Variants in KCTD16 observed in about 807,000 individuals in gnomAD.
KCTD16 encodes the protein BTB/POZ domain-containing protein KCTD16.
KCTD16 carries 13 observed loss-of-function variants against 33.2 expected under a neutral mutation model. The observed-to-expected ratio is 0.39, with a 90% CI of 0.25 to 0.62. The LOEUF (loss-of-function observed/expected upper bound fraction) is 0.62, where lower values mean the gene tolerates loss of function less well. Among genes scored for constraint, KCTD16 ranks in the 20% least tolerant of loss-of-function variants. KCTD16 has a pLI of 0.50. For missense variants in KCTD16, 441 were observed against 525.1 expected (o/e 0.84, Z 1.57); for synonymous variants, 197 against 195.3 (o/e 1.01, Z -0.07).
In KCTD16 at chr5:144,474,357, C is replaced by T. The variant is rs77669126; in HGVS notation, c.*243C>T. On this transcript the variant is annotated 3_prime_UTR_variant, in exon 4 of 4. Transcript: ENST00000512467. ...TTTTTAGTTATTTGTTTGTTTACTT[C>T]GTCCCATGTGCTAACTATCTTATAT... 35 of 429,438 alleles carry T rather than the reference C, an allele frequency of 8.2e-5. No individual in the cohort carries two copies. Among genetic ancestry groups the T allele is most frequent in the African/African-American group, 3.8e-4 (19 of 49,610 alleles). 26.6% of individuals were successfully genotyped at this position (429,438 alleles called of 1,614,324 possible). A position where few individuals can be genotyped will look rare whatever the true frequency, so the allele number is the denominator to read the frequency against.
chr5:144,340,803 C>T (rs919642176), intron 3 of KCTD16, among the ~76,000 whole-genome samples: 2 of 151,770 alleles, frequency 1.3e-5, no homozygotes, highest in Non-Finnish European at 2.9e-5. Context: ...TAATCCCAGC[C>T]CTTTAGGAGG....
At chr5:144,306,961 G>A (rs1751617783) in intron 3 of KCTD16, among the ~76,000 whole-genome samples, 1 of 152,134 alleles carries the variant, frequency 6.6e-6, no homozygotes, top group African/African-American at 2.4e-5. Context: ...ATCTGAACAG[G>A]TAATTGATTT....
chr5:144,263,060 G>A (rs140623724), intron 3 of KCTD16, among the ~76,000 whole-genome samples: 1 of 152,256 alleles, frequency 6.6e-6, no homozygotes, highest in Admixed American at 6.5e-5. Context: ...TGCTATTAAT[G>A]ATTATGCCTG....
rs1561558588 is a variant in KCTD16, at chr5:144,299,124, ATATATATATATATATATATATATATTTTT to A, written c.832+91580_832+91608del. Among the ~76,000 whole-genome samples the A allele has an allele frequency of 1.6e-3, 37 of 23,008 alleles. 1 individual carries two copies. The highest frequency in any genetic ancestry group is 0.014 in the African/African-American group (35 of 2,418). The allele number at this position is 23,008 out of a possible 152,430, so 15.1% of individuals were successfully genotyped here. ...TATATATATATATATATATATATATATATATATATATATATATATATATATTTTTTTTTTTTTTTTTAACCTGTCACTGA... is the reference window on the plus strand; with the variant it reads ...TATATATATATATATATATATATATATTTTTTTTTTTTAACCTGTCACTGA... On this transcript the variant is annotated intron_variant, in intron 3 of 3. Coordinates refer to ENST00000512467, the MANE Select transcript of KCTD16 (RefSeq NM_020768.4).
intron 3 of KCTD16, among the ~76,000 whole-genome samples, chr5:144,431,221 A>G (rs946646426): frequency 6.6e-6 from 1 of 152,136 alleles, no homozygotes; most frequent in African/African-American, 2.4e-5. Context: ...CTGCATATCC[A>G]TTTAACATGT....
At chr5:144,242,577 G>T (rs971548111) in intron 3 of KCTD16, among the ~76,000 whole-genome samples, 2 of 152,232 alleles carry the variant, frequency 1.3e-5, no homozygotes, top group East Asian at 3.9e-4. Flanking sequence ...TTGCTATAAA[G>T]AAATACTTAA....
At chr5:144,355,547 C>G (rs1751551584) in intron 3 of KCTD16, among the ~76,000 whole-genome samples, 1 of 152,126 alleles carries the variant, frequency 6.6e-6, no homozygotes, top group African/African-American at 2.4e-5. Context: ...TGTCTCTCAC[C>G]TCTGTGGGCC....
chr5:144,405,588 A>C (rs1752793585), intron 3 of KCTD16, among the ~76,000 whole-genome samples: 1 of 152,124 alleles, frequency 6.6e-6, no homozygotes. Flanking sequence ...AACACATGAG[A>C]AGCCTTATCC....
At chr5:144,375,496 T>A (rs888858493) in intron 3 of KCTD16, among the ~76,000 whole-genome samples, 1 of 152,096 alleles carries the variant, frequency 6.6e-6, no homozygotes, top group Non-Finnish European at 1.5e-5. Context: ...TCTCCCCTCC[T>A]GTGATCTGGG....
intron 3 of KCTD16, among the ~76,000 whole-genome samples, chr5:144,434,548 T>C (rs1753534655): frequency 6.6e-6 from 1 of 152,152 alleles, no homozygotes. Flanking sequence ...CATTTATTAA[T>C]AGTTACCATG....
intron 3 of KCTD16, among the ~76,000 whole-genome samples, chr5:144,253,476 G>A (rs1306189600): frequency 6.6e-6 from 1 of 152,116 alleles, no homozygotes; most frequent in Non-Finnish European, 1.5e-5. Context: ...GCTTTATTCT[G>A]TTTTCTCACC....
intron 3 of KCTD16, among the ~76,000 whole-genome samples, chr5:144,340,452 G>A (rs953057381): frequency 2.0e-5 from 3 of 151,552 alleles, no homozygotes; most frequent in African/African-American, 7.3e-5. Flanking sequence ...GAGTTGGAGA[G>A]GGGGAGCTTT....
At chr5:144,385,247 T>C (rs1752299221) in intron 3 of KCTD16, 1 of 152,224 alleles carries the variant, frequency 6.6e-6, no homozygotes, top group Non-Finnish European at 1.5e-5. Flanking sequence ...TATATTTTTG[T>C]TTACTCGTAG....
intron 3 of KCTD16, among the ~76,000 whole-genome samples, chr5:144,393,557 T>G (rs186946431): frequency 7.4e-4 from 112 of 152,110 alleles, no homozygotes; most frequent in East Asian, 7.7e-4. Context: ...TGTATATATA[T>G]AGAGAGAGAG....
chr5:144,412,996 G>A (rs1193509226), intron 3 of KCTD16, among the ~76,000 whole-genome samples: 1 of 152,108 alleles, frequency 6.6e-6, no homozygotes, highest in Non-Finnish European at 1.5e-5. Context: ...TAATTTGAAT[G>A]TTTCTAGCAT....
intron 3 of KCTD16, among the ~76,000 whole-genome samples, chr5:144,370,650 C>G (rs1751947203): frequency 6.6e-6 from 1 of 152,146 alleles, no homozygotes; most frequent in African/African-American, 2.4e-5. Context: ...GAATCTGCTA[C>G]TAATCTTTAG....
At chr5:144,193,638 G>T (rs898904473) in intron 2 of KCTD16, among the ~76,000 whole-genome samples, 2 of 152,108 alleles carry the variant, frequency 1.3e-5, no homozygotes, top group African/African-American at 4.8e-5. Context: ...TATAATGGAA[G>T]TTCCATGATG....
intron 3 of KCTD16, among the ~76,000 whole-genome samples, chr5:144,391,346 TGAA>T (rs1336246164): frequency 6.6e-6 from 1 of 152,224 alleles, no homozygotes; most frequent in African/African-American, 2.4e-5. Flanking sequence ...TGAACCTTGA[TGAA>T]GTTCTTTTGC....
At chr5:144,282,781 A>G (rs1396809126) in intron 3 of KCTD16, among the ~76,000 whole-genome samples, 2 of 152,168 alleles carry the variant, frequency 1.3e-5, no homozygotes, top group African/African-American at 2.4e-5. Flanking sequence ...ACTTTATGAC[A>G]GAGGAGCAAG....
Sources: gnomAD v4.1 joint callset for allele counts (sites outside exome capture counted in the v4.1 genomes callset) on GRCh38, gnomAD v4.1.1 for gene constraint, MANE v1.5 for transcripts, NCBI Gene and HGNC (gene_info 2026-07-23, HGNC 2026-07-21) for gene names.